The following NCAM2 variants were observed in gnomAD, a reference collection of about 807,000 sequenced individuals.
NCAM2 encodes the protein neural cell adhesion molecule 2, also known as N-CAM-2.
NCAM2 carries 30 observed loss-of-function variants against 98.1 expected under a neutral mutation model. The ratio of observed to expected loss-of-function variants is 0.31; its 90% CI spans 0.23 to 0.41. The LOEUF (loss-of-function observed/expected upper bound fraction) is 0.41, where lower values mean the gene tolerates loss of function less well. Among genes scored for constraint, NCAM2 ranks in the 10% least tolerant of loss-of-function variants. The probability of loss-of-function intolerance (pLI) is 1.00; values close to 1 mark genes in which losing one functional copy is unlikely to be tolerated. For synonymous variants in NCAM2, 368 were observed against 342.4 expected (o/e 1.07, Z -0.83); for missense variants, 867 against 1,005.8 (o/e 0.86, Z 1.87).
At chr21:21,037,357 T>C (rs528845164) in intron 1 of NCAM2, among the ~76,000 whole-genome samples, 3 of 152,324 alleles carry the variant, frequency 2.0e-5, no homozygotes, top group African/African-American at 7.2e-5. Flanking sequence ...TTTATACCCA[T>C]AGTTTTCCAT....
chr21:21,047,929 G>A (rs978109187), intron 1 of NCAM2, among the ~76,000 whole-genome samples: 1 of 152,090 alleles, frequency 6.6e-6, no homozygotes, highest in Non-Finnish European at 1.5e-5. Flanking sequence ...TTTCCAATCT[G>A]ACTCTGGTAT....
intron 16 of NCAM2, among the ~76,000 whole-genome samples, chr21:21,528,806 A>G (rs1989470148): frequency 6.6e-6 from 1 of 152,182 alleles, no homozygotes; most frequent in Admixed American, 6.5e-5. Flanking sequence ...ACTGAATTAC[A>G]CTAATCTAAA....
Position 21,324,417 on chromosome 21 carries a change from T to C in NCAM2, c.654T>C (p.Phe218=). 1 of 1,613,780 alleles carries C rather than the reference T, an allele frequency of 6.2e-7. No individual in the cohort carries two copies. The highest frequency in any genetic ancestry group is 8.5e-7 in the Non-Finnish European group (1 of 1,179,750). The change falls in exon 6 of 18, where the codon TTT becomes TTC. Residue 218 remains phenylalanine (F), a synonymous_variant. Coordinates refer to ENST00000400546, the MANE Select transcript of NCAM2 (RefSeq NM_004540.5). Reference sequence around the variant, plus strand: ...CAATCTCAATGCCTCAGAAATCTTTTAATGCCACAGCAGAGAGAGGAGAAG... The same window carrying C: ...CAATCTCAATGCCTCAGAAATCTTTCAATGCCACAGCAGAGAGAGGAGAAG... ...PPAISMPQKS[F]NATAERGEEM...
rs201723913 is a variant in NCAM2, at chr21:21,510,754, T to TG, written c.2282+1699_2282+1700insG. Among the ~76,000 whole-genome samples, 539 of 107,788 alleles carry TG rather than the reference T, an allele frequency of 5.0e-3. 10 individuals carry two copies. Among genetic ancestry groups the TG allele is most frequent in the Admixed American group, 0.039 (433 of 11,224 alleles). 70.7% of individuals were successfully genotyped at this position (107,788 alleles called of 152,430 possible). On this transcript the variant is annotated intron_variant, in intron 16 of 17. Transcript: ENST00000400546. The stretch of plus-strand genomic sequence containing the variant: ...ATATCATTTTTTACATATTTCTGCA[T>TG]TTTTTGCTAATTGTTTTAACATTTT...
At chr21:21,363,986 AG>A (rs2148006607) in intron 8 of NCAM2, among the ~76,000 whole-genome samples, 1 of 152,122 alleles carries the variant, frequency 6.6e-6, no homozygotes, top group East Asian at 1.9e-4. Flanking sequence ...TTGTATATAG[AG>A]TGTTTGTATA....
chr21:21,384,691 T>G (rs1395988614), intron 9 of NCAM2, among the ~76,000 whole-genome samples: 2 of 152,016 alleles, frequency 1.3e-5, no homozygotes, highest in African/African-American at 2.4e-5. Flanking sequence ...CCAAATCATG[T>G]AAATAATGTT....
chr21:21,168,721 G>A (rs959948787), intron 1 of NCAM2, among the ~76,000 whole-genome samples: 1 of 152,056 alleles, frequency 6.6e-6, no homozygotes, highest in Non-Finnish European at 1.5e-5. Context: ...TGAAATATTA[G>A]AGTATAAATC....
intron 1 of NCAM2, among the ~76,000 whole-genome samples, chr21:21,062,157 AAG>A (rs2065336142): frequency 1.3e-5 from 2 of 152,292 alleles, no homozygotes; most frequent in South Asian, 4.1e-4. Context: ...TATCTTGAAA[AAG>A]AGAGGGTTTG....
chr21:21,160,500 C>G (rs1170611909), intron 1 of NCAM2, among the ~76,000 whole-genome samples: 2 of 151,778 alleles, frequency 1.3e-5, no homozygotes, highest in African/African-American at 4.8e-5. Flanking sequence ...TAAAGTCTTA[C>G]AATATTTTCT....
At chr21:21,196,827 G>A (rs1385015518) in intron 1 of NCAM2, among the ~76,000 whole-genome samples, 2 of 152,214 alleles carry the variant, frequency 1.3e-5, no homozygotes, top group Non-Finnish European at 2.9e-5. Context: ...GGGGCCTGGT[G>A]GCAGGTGATT....
intron 1 of NCAM2, among the ~76,000 whole-genome samples, chr21:21,231,392 A>C (rs1209070940): frequency 6.6e-6 from 1 of 151,376 alleles, no homozygotes; most frequent in African/African-American, 2.4e-5. Context: ...CTTCCTGGGA[A>C]AACAGTATAA....
intron 1 of NCAM2, among the ~76,000 whole-genome samples, chr21:21,075,752 G>A (rs1041381605): frequency 6.6e-6 from 1 of 151,916 alleles, no homozygotes; most frequent in Non-Finnish European, 1.5e-5. Context: ...TGGGTATGTC[G>A]AAATAAACAT....
At chr21:21,479,059 C>G (rs1359516173) in intron 15 of NCAM2, among the ~76,000 whole-genome samples, 1 of 152,060 alleles carries the variant, frequency 6.6e-6, no homozygotes, top group East Asian at 1.9e-4. Context: ...CCAGAGCCTC[C>G]TCCAAAGGAA....
chr21:21,489,846 G>C (rs1247168118), intron 15 of NCAM2, among the ~76,000 whole-genome samples: 1 of 151,718 alleles, frequency 6.6e-6, no homozygotes, highest in African/African-American at 2.4e-5. Flanking sequence ...TTATTAACTC[G>C]TTCTCTTACC....
At chr21:21,531,146 C>T (rs937204033) in intron 16 of NCAM2, among the ~76,000 whole-genome samples, 3 of 152,016 alleles carry the variant, frequency 2.0e-5, no homozygotes, top group Non-Finnish European at 4.4e-5. Context: ...TTTTCTCTTA[C>T]TTGTTGCTTA....
chr21:21,379,009 T>G (rs1459289987), intron 9 of NCAM2, among the ~76,000 whole-genome samples: 6 of 152,150 alleles, frequency 3.9e-5, no homozygotes, highest in African/African-American at 1.2e-4. Flanking sequence ...CATGACAATT[T>G]ATGTCTAAGC....
chr21:21,095,124 T>C (rs1481052341), intron 1 of NCAM2, among the ~76,000 whole-genome samples: 1 of 151,702 alleles, frequency 6.6e-6, no homozygotes, highest in Non-Finnish European at 1.5e-5. Flanking sequence ...TGTTTTTAAG[T>C]AGTAAATTAT....
chr21:21,362,427 C>T (rs1187663579), intron 8 of NCAM2, among the ~76,000 whole-genome samples: 2 of 150,916 alleles, frequency 1.3e-5, no homozygotes, highest in African/African-American at 4.9e-5. Context: ...CAGGGTCTTG[C>T]TCTTTCACCC....
At chr21:21,492,459 A>G (rs1026825525) in intron 15 of NCAM2, among the ~76,000 whole-genome samples, 2 of 151,866 alleles carry the variant, frequency 1.3e-5, no homozygotes, top group African/African-American at 4.8e-5. Context: ...AAACTTTTAC[A>G]TATAGCTGCT....
Sources: allele counts gnomAD v4.1 joint callset (sites outside exome capture counted in the v4.1 genomes callset), GRCh38; gene constraint gnomAD v4.1.1; transcripts MANE v1.5; gene names NCBI Gene and HGNC (gene_info 2026-07-23, HGNC 2026-07-21).